KCNC2: variants seen among roughly 807,000 people sequenced by gnomAD.
KCNC2 encodes potassium voltage-gated channel subfamily C member 2.
KCNC2 carries 21 observed loss-of-function variants against 44.5 expected under a neutral mutation model. The ratio of observed to expected loss-of-function variants is 0.47; its 90% CI spans 0.33 to 0.68. KCNC2 has a LOEUF of 0.68. KCNC2 is among the 30% of genes least tolerant of loss of function. The pLI, the probability that KCNC2 is intolerant of heterozygous loss-of-function variation, is 0.01. For synonymous variants in KCNC2, 391 were observed against 339.1 expected (o/e 1.15, Z -1.68); for missense variants, 589 against 826.2 (o/e 0.71, Z 3.52).
At chr12:75,133,373 A>G (rs1592938962) in intron 2 of KCNC2, among the ~76,000 whole-genome samples, 2 of 151,980 alleles carry the variant, frequency 1.3e-5, no homozygotes, top group Admixed American at 1.3e-4. Context: ...GTAACAATGT[A>G]TCACATATAT....
intron 2 of KCNC2, among the ~76,000 whole-genome samples, chr12:75,185,168 C>T (rs1005953555): frequency 1.3e-5 from 2 of 152,154 alleles, no homozygotes; most frequent in African/African-American, 2.4e-5. Context: ...GAAATAGTAA[C>T]ATACTATATT....
chr12:75,125,956 G>A (rs1045610540), intron 2 of KCNC2, among the ~76,000 whole-genome samples: 2 of 151,960 alleles, frequency 1.3e-5, no homozygotes, highest in African/African-American at 4.8e-5. Flanking sequence ...AATTTATAAA[G>A]CAATTTAATA....
At chr12:75,194,447 T>A (rs867535101) in intron 2 of KCNC2, among the ~76,000 whole-genome samples, 4 of 152,162 alleles carry the variant, frequency 2.6e-5, no homozygotes, top group Non-Finnish European at 5.9e-5. Context: ...AAACCAAGCC[T>A]GCCAAACTAG....
At chr12:75,098,022 A>C (rs1886079026) in intron 2 of KCNC2, among the ~76,000 whole-genome samples, 1 of 152,126 alleles carries the variant, frequency 6.6e-6, no homozygotes, top group African/African-American at 2.4e-5. Context: ...CTTATTATTT[A>C]CATTATTATA....
Position 75,156,611 on chromosome 12 carries a change from C to T in KCNC2, c.687+50686G>A, listed in dbSNP as rs552452464. 2.6e-4 allele frequency among the ~76,000 whole-genome samples: 39 copies of T among 151,630 alleles called. No individual in the cohort carries two copies. The South Asian group carries it at 2.9e-3, about 11-fold the overall frequency. On this transcript the variant is annotated intron_variant, in intron 2 of 4. Coordinates refer to ENST00000549446, the MANE Select transcript of KCNC2 (RefSeq NM_139137.4). ...GACAATTTCTTTCAACCTCGGTGTC[C>T]TTATTTTTAAATGATGCCTACCGTT...
chr12:75,041,390 C>T lies in KCNC2; in HGVS notation c.*1715G>A. 7.1e-7 allele frequency: 1 copy of T among 1,404,798 alleles called. No homozygotes were observed. Among genetic ancestry groups the T allele is most frequent in the Non-Finnish European group, 9.3e-7 (1 of 1,077,798 alleles). The allele number at this position is 1,404,798 out of a possible 1,614,324, so 87.0% of individuals were successfully genotyped here. A position where few individuals can be genotyped will look rare whatever the true frequency, so the allele number is the denominator to read the frequency against. Reference sequence around the variant, plus strand: ...CCAACATGCAGGTCATGCTCTAGGACTTGGGGATATAGAGTAATACATGTT... The same window carrying T: ...CCAACATGCAGGTCATGCTCTAGGATTTGGGGATATAGAGTAATACATGTT... On this transcript the variant is annotated 3_prime_UTR_variant, in exon 5 of 5. Transcript: ENST00000549446.
intron 2 of KCNC2, among the ~76,000 whole-genome samples, chr12:75,155,658 G>A (rs1244033760): frequency 1.3e-5 from 2 of 151,654 alleles, no homozygotes; most frequent in Non-Finnish European, 2.9e-5. Context: ...GAGAAGGCTT[G>A]TTAAGTCTAC....
In KCNC2 at chr12:75,043,277, C is replaced by T. The variant is rs373124628; in HGVS notation, c.1781-36G>A. On this transcript the variant is annotated intron_variant, in intron 4 of 4. Coordinates refer to ENST00000549446, the MANE Select transcript of KCNC2 (RefSeq NM_139137.4). ...AAAATGCACAGACATCAGTTGAATT[C>T]AACCAGAATATAGACAGACAAATAA... 3.1e-6 allele frequency: 5 copies of T among 1,610,016 alleles called. No individual in the cohort carries two copies. The African/African-American group carries it at 6.7e-5, about 22-fold the overall frequency.
At position 75,086,699 on chromosome 12, in the gene KCNC2, T is replaced by TACAC. The variant is rs1555208223; in HGVS notation, c.688-35386_688-35383dup. Among the ~76,000 whole-genome samples, 9 of 138,910 alleles carry TACAC rather than the reference T, an allele frequency of 6.5e-5. No homozygotes were observed. In the South Asian group the frequency reaches 1.3e-3, roughly 21 times the overall value. The allele number at this position is 138,910 out of a possible 152,430, so 91.1% of individuals were successfully genotyped here. ...AAAAAAAAATATATATATATATATA[T>TACAC]ACACACACATATTTATCTTAAGTCA... On this transcript the variant is annotated intron_variant, in intron 2 of 4. Coordinates refer to ENST00000549446, the MANE Select transcript of KCNC2 (RefSeq NM_139137.4).
intron 2 of KCNC2, among the ~76,000 whole-genome samples, chr12:75,061,245 C>T (rs1882290867): frequency 6.6e-6 from 1 of 151,910 alleles, no homozygotes; most frequent in Non-Finnish European, 1.5e-5. Flanking sequence ...CCACTTTCCC[C>T]AAGTGGATTT....
At chr12:75,136,280 T>A (rs142798527) in intron 2 of KCNC2, among the ~76,000 whole-genome samples, 3 of 151,558 alleles carry the variant, frequency 2.0e-5, no homozygotes, top group Non-Finnish European at 4.4e-5. Context: ...CTCAAGGAAC[T>A]AGAAAAACGA....
At chr12:75,113,776 C>T (rs1887435934) in intron 2 of KCNC2, among the ~76,000 whole-genome samples, 1 of 152,144 alleles carries the variant, frequency 6.6e-6, no homozygotes, top group African/African-American at 2.4e-5. Context: ...TATCTTGATT[C>T]TGAAGTGCAG....
chr12:75,149,350 T>C (rs999359807), intron 2 of KCNC2, among the ~76,000 whole-genome samples: 2 of 151,868 alleles, frequency 1.3e-5, no homozygotes, highest in African/African-American at 4.8e-5. Flanking sequence ...GACTGCATAT[T>C]AGCCATCTCA....
intron 2 of KCNC2, among the ~76,000 whole-genome samples, chr12:75,194,178 A>G (rs530564596): frequency 6.6e-6 from 1 of 152,322 alleles, no homozygotes; most frequent in South Asian, 2.1e-4. Context: ...ATTAAATTTT[A>G]GCTAATTTAA....
In KCNC2 at chr12:75,112,064, C is replaced by A. The variant is rs140367546; in HGVS notation, c.688-60747G>T. On this transcript the variant is annotated intron_variant, in intron 2 of 4. Coordinates refer to ENST00000549446, the MANE Select transcript of KCNC2 (RefSeq NM_139137.4). ...GTATCTGTAAATAATTTTTAAATAT[C>A]TTTTTAATTAAAATACAAAATGTCT... 1.5e-3 allele frequency among the ~76,000 whole-genome samples: 229 copies of A among 151,686 alleles called. 2 individuals carry two copies. Among genetic ancestry groups the A allele is most frequent in the African/African-American group, 5.3e-3 (221 of 41,468 alleles).
At chr12:75,199,753 T>C (rs1362358070) in intron 2 of KCNC2, among the ~76,000 whole-genome samples, 5 of 151,904 alleles carry the variant, frequency 3.3e-5, no homozygotes, top group Admixed American at 2.0e-4. Flanking sequence ...TGATGTTCTA[T>C]TGCCAATAGG....
intron 2 of KCNC2, among the ~76,000 whole-genome samples, chr12:75,163,096 C>T (rs997960293): frequency 6.6e-6 from 1 of 151,716 alleles, no homozygotes; most frequent in African/African-American, 2.4e-5. Flanking sequence ...TCTATTTGCT[C>T]TAAGTCCTAA....
intron 2 of KCNC2, among the ~76,000 whole-genome samples, chr12:75,182,683 T>C (rs1388387866): frequency 6.6e-6 from 1 of 152,146 alleles, no homozygotes; most frequent in Non-Finnish European, 1.5e-5. Flanking sequence ...CAATATGGCA[T>C]CCTGAACATG....
At chr12:75,047,041 G>A (rs556213413) in intron 4 of KCNC2, among the ~76,000 whole-genome samples, 13 of 151,988 alleles carry the variant, frequency 8.6e-5, no homozygotes, top group African/African-American at 1.9e-4. Flanking sequence ...AACTAAGCAC[G>A]GTATTATTTA....
Sources: gnomAD v4.1 joint callset for allele counts (sites outside exome capture counted in the v4.1 genomes callset) on GRCh38, gnomAD v4.1.1 for gene constraint, MANE v1.5 for transcripts, NCBI Gene and HGNC (gene_info 2026-07-23, HGNC 2026-07-21) for gene names.